GALNT9: variants seen among roughly 807,000 people sequenced by gnomAD.
The protein encoded by GALNT9 is GalNAc transferase 9.
In GALNT9, 47 loss-of-function variants were observed where a neutral mutation model predicts 63.1. That is an observed-to-expected ratio of 0.75 (90% CI 0.59 to 0.95). The LOEUF (loss-of-function observed/expected upper bound fraction) is 0.95, where lower values mean the gene tolerates loss of function less well. GALNT9 is among the 40% of genes least tolerant of loss of function. The pLI is 0.00. For synonymous variants in GALNT9, 396 were observed against 365.7 expected (o/e 1.08, Z -0.94); for missense variants, 829 against 874.8 (o/e 0.95, Z 0.66).
chr12:132,201,947 T>C (rs1299657813), intron 7 of GALNT9, among the ~76,000 whole-genome samples: 1 of 152,162 alleles, frequency 6.6e-6, no homozygotes, highest in Non-Finnish European at 1.5e-5. Context: ...CAGCCAGCCC[T>C]GAGGGAGCAC....
At chr12:132,321,084 A>C (rs377716846) in intron 1 of GALNT9, among the ~76,000 whole-genome samples, 19 of 152,136 alleles carry the variant, frequency 1.2e-4, no homozygotes, top group African/African-American at 4.6e-4. Context: ...GGTGGAGCCA[A>C]ACGCTGCTCA....
chr12:132,272,203 C>T (rs543738418), intron 2 of GALNT9, among the ~76,000 whole-genome samples: 17 of 152,320 alleles, frequency 1.1e-4, no homozygotes, highest in South Asian at 4.1e-4. Context: ...CTGTTACGAG[C>T]GAGCAGAACC....
intron 10 of GALNT9, among the ~76,000 whole-genome samples, chr12:132,197,551 G>T (rs983580774): frequency 2.7e-5 from 4 of 148,818 alleles, no homozygotes; most frequent in Admixed American, 6.6e-5. Context: ...CAGATGCAGG[G>T]CTATGATCAG....
chr12:132,291,887 T>C (rs888381822), intron 1 of GALNT9, among the ~76,000 whole-genome samples: 5 of 152,268 alleles, frequency 3.3e-5, no homozygotes, highest in Middle Eastern at 3.4e-3. Flanking sequence ...CTGGGAGCCA[T>C]GGGCCCCAAT....
intron 2 of GALNT9, among the ~76,000 whole-genome samples, chr12:132,271,608 G>A (rs1879869051): frequency 6.6e-6 from 1 of 152,110 alleles, no homozygotes; most frequent in Non-Finnish European, 1.5e-5. Context: ...CTGGCCTGGC[G>A]CTGTGCCCTG....
intron 1 of GALNT9, among the ~76,000 whole-genome samples, chr12:132,322,112 C>A (rs1868830087): frequency 6.6e-6 from 1 of 152,236 alleles, no homozygotes; most frequent in Non-Finnish European, 1.5e-5. Flanking sequence ...TCTGCAAAGA[C>A]CCTGTTTCTA....
Position 132,196,913 on chromosome 12 carries a change from G to A in GALNT9, c.*194C>T, listed in dbSNP as rs571825812. On this transcript the variant is annotated 3_prime_UTR_variant, in exon 11 of 11. Coordinates refer to ENST00000328957, the MANE Select transcript of GALNT9 (RefSeq NM_001122636.2). ...CCCTCGGGTAGAGCCGCCTGTCCTA[G>A]GAGAAGCTGTACTCCAGATGCAGTG... 2.3e-4 allele frequency: 322 copies of A among 1,421,092 alleles called. No homozygotes were observed. The African/African-American group carries it at 4.4e-3, about 19-fold the overall frequency. 88.0% of individuals were successfully genotyped at this position (1,421,092 alleles called of 1,614,324 possible).
chr12:132,202,908 A>G (rs1876279405), intron 7 of GALNT9, among the ~76,000 whole-genome samples: 1 of 152,186 alleles, frequency 6.6e-6, no homozygotes, highest in Non-Finnish European at 1.5e-5. Flanking sequence ...CTCAACTTGA[A>G]GCGGGTCAGC....
At chr12:132,304,345 G>A (rs1466023556) in intron 1 of GALNT9, among the ~76,000 whole-genome samples, 3 of 85,890 alleles carry the variant, frequency 3.5e-5, no homozygotes, top group Non-Finnish European at 7.0e-5. Flanking sequence ...CCTCGCCTGG[G>A]CACACCCTCA....
rs568579950 is a variant in GALNT9, at chr12:132,203,432, C to T, written c.1263+73G>A. The T allele has an allele frequency of 2.5e-4, 363 of 1,472,672 alleles. 1 individual carries two copies. In the East Asian group the frequency reaches 4.8e-3, roughly 20 times the overall value. 91.2% of individuals were successfully genotyped at this position (1,472,672 alleles called of 1,614,324 possible). ...CAGGGGGCCCTAGGGGGCCTCCCTC[C>T]GGCCCAGCCCTGCCGTGGCATTGAC... On this transcript the variant is annotated intron_variant, in intron 7 of 10. Transcript: ENST00000328957.
intron 6 of GALNT9, among the ~76,000 whole-genome samples, chr12:132,204,851 G>A (rs986501175): frequency 2.0e-5 from 3 of 152,064 alleles, no homozygotes; most frequent in Non-Finnish European, 2.9e-5. Context: ...CCCAAGCTCC[G>A]CCGTGCTCAG....
In GALNT9 at chr12:132,315,145, C is replaced by T. The variant is rs1179806984; in HGVS notation, c.238+13821G>A. On this transcript the variant is annotated intron_variant, in intron 1 of 10. Transcript: ENST00000328957. The surrounding 1 kb of genome is among the most constrained non-coding windows in gnomAD (Gnocchi z 6.1). ...CGGGCTCTGAGTCCAGGCGGCCCAG[C>T]GCTCTAGCCACATTTTAACCACAAG... Among the ~76,000 whole-genome samples, 1 of 152,160 alleles carries T rather than the reference C, an allele frequency of 6.6e-6. No homozygotes were observed.
In GALNT9 at chr12:132,316,683, C is replaced by T. The variant is rs149024550; in HGVS notation, c.238+12283G>A. On this transcript the variant is annotated intron_variant, in intron 1 of 10. Coordinates refer to ENST00000328957, the MANE Select transcript of GALNT9 (RefSeq NM_001122636.2). The surrounding 1 kb of genome is among the most constrained non-coding windows in gnomAD (Gnocchi z 4.3). ...GTGCTCTGTGTAGTCCCTCAGCCAC[C>T]CTTTCAGATCCGACAGGGACGCCCA... 6.6e-5 allele frequency among the ~76,000 whole-genome samples: 10 copies of T among 152,178 alleles called. No homozygotes were observed. In the South Asian group the frequency reaches 1.2e-3, roughly 19 times the overall value.
chr12:132,314,518 G>A (rs1555245569), intron 1 of GALNT9, among the ~76,000 whole-genome samples: 1 of 152,120 alleles, frequency 6.6e-6, no homozygotes, highest in African/African-American at 2.4e-5. Context: ...ACTTGCCCGA[G>A]GTCACCCCAT....
chr12:132,211,491 G>A (rs961279363), intron 6 of GALNT9, among the ~76,000 whole-genome samples: 3 of 152,162 alleles, frequency 2.0e-5, no homozygotes, highest in Non-Finnish European at 2.9e-5. Context: ...AGGCAACCTC[G>A]TGTCTATTCG....
chr12:132,227,379 T>C (rs1047928592), intron 6 of GALNT9, among the ~76,000 whole-genome samples: 35,294 of 152,004 alleles, frequency 0.23, 4,313 homozygotes, highest in Middle Eastern at 0.37. Flanking sequence ...TCCCCGACCC[T>C]GCTGGCCGCA....
At chr12:132,299,412 T>C (rs1374516234) in intron 1 of GALNT9, among the ~76,000 whole-genome samples, 125 of 68,330 alleles carry the variant, frequency 1.8e-3, no homozygotes, top group East Asian at 3.8e-3. Flanking sequence ...GACCAACCCA[T>C]TCCTGAGATA....
chr12:132,240,528 T>A (rs2136898478), intron 6 of GALNT9: 1 of 440,516 alleles, frequency 2.3e-6, no homozygotes, highest in South Asian at 1.6e-5. Context: ...GCAGTGCTGC[T>A]GTGGGCCTGG....
chr12:132,267,878 C>T (rs1181525841), intron 2 of GALNT9, among the ~76,000 whole-genome samples: 2 of 142,432 alleles, frequency 1.4e-5, no homozygotes, highest in Non-Finnish European at 3.0e-5. Context: ...ATACAACCCA[C>T]ATGCACTCAC....
Sources: gnomAD v4.1 joint callset for allele counts (sites outside exome capture counted in the v4.1 genomes callset) on GRCh38, gnomAD v4.1.1 for gene constraint, Gnocchi (gnomAD v3.1) non-coding constraint, MANE v1.5 for transcripts, NCBI Gene and HGNC (gene_info 2026-07-23, HGNC 2026-07-21) for gene names.